Variants in STRADA observed in about 807,000 individuals in gnomAD.
STRADA encodes the protein STE20-related kinase adapter protein alpha.
A neutral mutation model predicts 55.0 loss-of-function variants in STRADA; 26 were observed. That is an observed-to-expected ratio of 0.47 (90% CI 0.35 to 0.66). The LOEUF (loss-of-function observed/expected upper bound fraction) is 0.66, where lower values mean the gene tolerates loss of function less well. Ranked by LOEUF, STRADA falls within the 30% of genes least tolerant of loss-of-function variation. The probability of loss-of-function intolerance (pLI) is 0.01; values close to 1 mark genes in which losing one functional copy is unlikely to be tolerated. For synonymous variants in STRADA, 197 were observed against 210.9 expected (o/e 0.93, Z 0.57); for missense variants, 443 against 549.7 (o/e 0.81, Z 1.94).
chr17:63,717,087 A>G (rs1352852142), intron 4 of STRADA: 2 of 152,250 alleles, frequency 1.3e-5, no homozygotes, highest in Non-Finnish European at 2.9e-5. Flanking sequence ...GGTGTATAAA[A>G]GACATTCAAT....
intron 1 of STRADA, among the ~76,000 whole-genome samples, chr17:63,734,726 T>C (rs1398678171): frequency 6.6e-6 from 1 of 152,202 alleles, no homozygotes; most frequent in Non-Finnish European, 1.5e-5. Flanking sequence ...AATCTTTCCC[T>C]AACAGCATTT....
At chr17:63,734,425 T>C (rs2038275552) in intron 1 of STRADA, among the ~76,000 whole-genome samples, 1 of 151,316 alleles carries the variant, frequency 6.6e-6, no homozygotes, top group Non-Finnish European at 1.5e-5. Flanking sequence ...GGCGGATCAC[T>C]AGAGGTCAGG....
intron 8 of STRADA, 31 bp from the exon 9 acceptor site, chr17:63,707,449 A>G: frequency 6.2e-7 from 1 of 1,605,694 alleles, no homozygotes; most frequent in South Asian, 1.1e-5. Context: ...TCATGTCGAG[A>G]GCAGGAGCCC....
intron 4 of STRADA, among the ~76,000 whole-genome samples, chr17:63,719,637 C>T (rs1427195658): frequency 6.6e-6 from 1 of 152,128 alleles, no homozygotes; most frequent in Non-Finnish European, 1.5e-5. Flanking sequence ...GTGCGTGCTA[C>T]CATGCCCGGC....
At chr17:63,718,811 C>T (rs2037086020) in intron 4 of STRADA, 1 of 152,212 alleles carries the variant, frequency 6.6e-6, no homozygotes, top group African/African-American at 2.4e-5. Context: ...GATGTCTCAA[C>T]TTAAATGTCC....
intron 1 of STRADA, among the ~76,000 whole-genome samples, chr17:63,730,144 T>C (rs1324447275): frequency 1.3e-5 from 2 of 152,176 alleles, no homozygotes; most frequent in Admixed American, 1.3e-4. Flanking sequence ...ACAATGTCTC[T>C]CTTTCCTTAT....
intron 5 of STRADA, 95 bp from the exon 6 acceptor site, chr17:63,713,622 A>G: frequency 1.3e-6 from 2 of 1,514,476 alleles, no homozygotes; most frequent in Non-Finnish European, 1.8e-6. Context: ...TTCAAAAGAA[A>G]CTTAATGTTA....
intron 10 of STRADA, chr17:63,705,074 G>A (rs2035993782): frequency 2.8e-6 from 2 of 703,448 alleles, no homozygotes; most frequent in Non-Finnish European, 4.9e-6. Flanking sequence ...GCCAGGCTGG[G>A]TGGCTGTTCC....
At chr17:63,709,519 C>T (rs1369455915) in intron 8 of STRADA, among the ~76,000 whole-genome samples, 1 of 152,188 alleles carries the variant, frequency 6.6e-6, no homozygotes, top group Non-Finnish European at 1.5e-5. Context: ...TGCTCTGTCA[C>T]TTGTTTCTTA....
intron 1 of STRADA, among the ~76,000 whole-genome samples, chr17:63,728,849 G>A (rs984791639): frequency 2.0e-5 from 3 of 146,612 alleles, no homozygotes; most frequent in Non-Finnish European, 3.0e-5. Flanking sequence ...CCAAGATCAC[G>A]CCATTGCATT....
intron 4 of STRADA, among the ~76,000 whole-genome samples, chr17:63,714,976 A>T (rs1029478477): frequency 6.6e-6 from 1 of 152,130 alleles, no homozygotes; most frequent in African/African-American, 2.4e-5. Context: ...CTTTCTTTAG[A>T]TGCACATCTA....
chr17:63,707,424 G>T lies in STRADA; in HGVS notation c.582-6C>A. 1 of 1,611,772 alleles carries T rather than the reference G, an allele frequency of 6.2e-7. No homozygotes were observed. Among genetic ancestry groups the T allele is most frequent in the Non-Finnish European group, 8.5e-7 (1 of 1,178,030 alleles). Reference sequence around the variant, plus strand: ...TGTGGCTGGCTTTGACACTCCTGGGGAAGCGGGGAGGGTGTCATGTCGAGA... The same window carrying T: ...TGTGGCTGGCTTTGACACTCCTGGGTAAGCGGGGAGGGTGTCATGTCGAGA... On this transcript the variant is annotated splice_polypyrimidine_tract_variant and splice_region_variant and intron_variant, in intron 8 of 12. Coordinates refer to ENST00000336174, the MANE Select transcript of STRADA (RefSeq NM_001003787.4).
chr17:63,741,494 G>C (rs1002130625), intron 1 of STRADA: 1 of 153,928 alleles, frequency 6.5e-6, no homozygotes, highest in African/African-American at 2.4e-5. Flanking sequence ...GAAAGCAGGA[G>C]CCCGCCTCTC....
chr17:63,712,205 TCA>T (rs1305065242), intron 6 of STRADA, among the ~76,000 whole-genome samples: 1 of 152,144 alleles, frequency 6.6e-6, no homozygotes, highest in Non-Finnish European at 1.5e-5. Flanking sequence ...CTTACTAGAC[TCA>T]CAGTCTCTCT....
intron 1 of STRADA, among the ~76,000 whole-genome samples, chr17:63,730,682 G>A (rs1028810873): frequency 1.3e-5 from 2 of 151,908 alleles, no homozygotes; most frequent in Non-Finnish European, 2.9e-5. Context: ...TCAGCCTCCC[G>A]AGTTACTGGG....
chr17:63,728,309 G>C (rs751206365), intron 2 of STRADA, 25 bp downstream of exon 2: 5 of 1,611,328 alleles, frequency 3.1e-6, no homozygotes, highest in Non-Finnish European at 4.2e-6. Flanking sequence ...AAATAGTAAA[G>C]CCAGAAGAAT....
intron 1 of STRADA, among the ~76,000 whole-genome samples, chr17:63,729,556 G>T (rs2037883563): frequency 6.6e-6 from 1 of 152,010 alleles, no homozygotes; most frequent in Non-Finnish European, 1.5e-5. Context: ...AGGCTGAGGT[G>T]GGTGGATCAC....
intron 8 of STRADA, 23 bp downstream of exon 8, chr17:63,710,468 G>A: frequency 6.2e-7 from 1 of 1,612,584 alleles, no homozygotes. Flanking sequence ...TGTAATCATG[G>A]GAAAGGCCGC....
At chr17:63,726,732 T>G (rs748473564) in intron 2 of STRADA, 37 bp from the exon 3 acceptor site, 22 of 1,608,472 alleles carry the variant, frequency 1.4e-5, no homozygotes, top group Non-Finnish European at 1.9e-5. Flanking sequence ...TAGTATTTCT[T>G]CCAAGCCGCA....
Sources: gnomAD v4.1 joint callset for allele counts (sites outside exome capture counted in the v4.1 genomes callset) on GRCh38, gnomAD v4.1.1 for gene constraint, MANE v1.5 for transcripts, NCBI Gene and HGNC (gene_info 2026-07-23, HGNC 2026-07-21) for gene names.